CHRNB1: variants seen among roughly 807,000 people sequenced by gnomAD.
CHRNB1 encodes the protein acetylcholine receptor subunit beta.
CHRNB1 carries 47 observed loss-of-function variants against 53.8 expected under a neutral mutation model. That is an observed-to-expected ratio of 0.87 (90% confidence interval 0.69 to 1.11). The LOEUF is 1.11. Among genes scored for constraint, CHRNB1 ranks in the 50% most tolerant of loss-of-function variants. The pLI, the probability that CHRNB1 is intolerant of heterozygous loss-of-function variation, is 0.00. For synonymous variants in CHRNB1, 259 were observed against 263.5 expected, an observed-to-expected ratio of 0.98 and a Z score of 0.16; for missense variants, 605 against 654.9, an observed-to-expected ratio of 0.92 and a Z score of 0.83.
chr17:7,455,161 T>A (rs879642172), intron 8 of CHRNB1, 123 bp from the exon 9 acceptor site: 6 of 1,105,486 alleles, frequency 5.4e-6, no homozygotes, highest in Admixed American at 1.8e-5. Context: ...AGCTCGTTTG[T>A]GGAAGAATAT....
rs1167415636 is a variant in CHRNB1, at chr17:7,454,488, C to G, written c.1012C>G (p.His338Asp). 6.2e-7 allele frequency: 1 copy of G among 1,614,020 alleles called. No homozygotes were observed. Among genetic ancestry groups the G allele is most frequent in the Non-Finnish European group, 8.5e-7 (1 of 1,180,034 alleles). ...VVLNLHHRSP[H>D]THQMPLWVRQ... ...TCTCAACCTGCACCACCGCTCACCC[C>G]ACACCCACCAAATGCCCCTTTGGGT... is the stretch of plus-strand genomic sequence containing the variant. The change falls in exon 8 of 11, where the codon CAC becomes GAC. Residue 338 changes from histidine (H) to aspartate (D), a missense_variant. Physicochemically the swap from His to Asp is moderately conservative, Grantham distance 81 (BLOSUM62 -1). Transcript: ENST00000306071.
rs749893562 is a variant in CHRNB1, at chr17:7,448,655, A to G, written c.687A>G (p.Glu229=). ...QPPGDPRGGR[E]GQRQEVIFYL... ...CAGGCGATCCTAGGGGAGGGAGGGAAGGACAGCGCCAGGAAGTCATCTTCT... is the reference window on the plus strand; with the variant it reads ...CAGGCGATCCTAGGGGAGGGAGGGAGGGACAGCGCCAGGAAGTCATCTTCT... Residue 229 remains glutamate, a synonymous_variant, in exon 7 of 11, where the codon GAA becomes GAG. Transcript: ENST00000306071. 3.5e-5 allele frequency: 56 copies of G among 1,613,992 alleles called. No individual in the cohort carries two copies. Among genetic ancestry groups the G allele is most frequent in the Non-Finnish European group, 3.4e-6 (4 of 1,180,022 alleles).
intron 9 of CHRNB1, 144 bp downstream of exon 9, chr17:7,455,600 A>G (rs1263195218): frequency 3.8e-5 from 48 of 1,251,636 alleles, no homozygotes; most frequent in Non-Finnish European, 5.3e-5. Flanking sequence ...GCTCACTTTG[A>G]GGGGAGGTGG....
intron 7 of CHRNB1, among the ~76,000 whole-genome samples, chr17:7,451,274 C>CTTTTCTTT (rs1393475980): frequency 1.1e-5 from 1 of 92,018 alleles, no homozygotes; most frequent in African/African-American, 4.8e-5. Flanking sequence ...CTTTTCTTTT[C>CTTTTCTTT]TTTTTTTTTT....
chr17:7,451,704 C>T (rs974366798), intron 7 of CHRNB1, among the ~76,000 whole-genome samples: 1 of 152,160 alleles, frequency 6.6e-6, no homozygotes, highest in Non-Finnish European at 1.5e-5. Flanking sequence ...GCCTGGTGTG[C>T]CCTTATCTCC....
Position 7,447,563 on chromosome 17 carries a change from G to C in CHRNB1, c.523G>C (p.Asp175His), listed in dbSNP as rs745640319. The change falls in exon 6 of 11, where the codon GAC (aspartate) becomes CAC (histidine). Residue 175 changes from aspartate (D) to histidine (H), a missense_variant. Asp to His is a moderately conservative substitution (Grantham distance 81). Transcript: ENST00000306071. ...CTMVFSSYSY[D>H]SSEVSLQTGL... ...TATGGTGTTCAGCTCCTACAGCTAC[G>C]ACAGCTCGGAGGTCAGCCTGCAGAC... is the stretch of plus-strand genomic sequence containing the variant. 4 of 1,614,196 alleles carry C rather than the reference G, an allele frequency of 2.5e-6. No homozygotes were observed. Among genetic ancestry groups the C allele is most frequent in the Admixed American group, 1.7e-5 (1 of 60,022 alleles).
chr17:7,456,567 CTT>C lies in CHRNB1; in HGVS notation c.1366-14_1366-13del, dbSNP rs777730119. The C allele has an allele frequency of 1.2e-6, 2 of 1,614,096 alleles. No individual in the cohort carries two copies. The highest frequency in any genetic ancestry group is 1.7e-6 in the Non-Finnish European group (2 of 1,180,026). On this transcript the variant is annotated splice_polypyrimidine_tract_variant and intron_variant, in intron 10 of 10. Transcript: ENST00000306071. ...CTGGGCCCAGAGCTCAGGAAGTTTC[CTT>C]TGCCTACCCACAGCTGAAGGAGGAC...
intron 6 of CHRNB1, among the ~76,000 whole-genome samples, 154 bp from the exon 7 acceptor site, chr17:7,448,425 C>CT (rs1264157197): frequency 3.9e-5 from 6 of 152,034 alleles, no homozygotes; most frequent in African/African-American, 1.2e-4. Flanking sequence ...GAGACTTGCC[C>CT]AAGTTTATTA....
In CHRNB1 at chr17:7,455,274, T is replaced by A. The variant is rs753963175; in HGVS notation, c.1045-10T>A. On this transcript the variant is annotated splice_polypyrimidine_tract_variant and intron_variant, in intron 8 of 10. Coordinates refer to ENST00000306071, the MANE Select transcript of CHRNB1 (RefSeq NM_000747.3). ...AAAGCCCCCACCAATACGCCTCTTC[T>A]ACTCTGCAGATCTTCATTCACAAAC... The A allele has an allele frequency of 6.2e-7, 1 of 1,614,018 alleles. No individual in the cohort carries two copies. Among genetic ancestry groups the A allele is most frequent in the Non-Finnish European group, 8.5e-7 (1 of 1,179,934 alleles).
chr17:7,447,857 C>G (rs960414228), intron 6 of CHRNB1, among the ~76,000 whole-genome samples: 3 of 152,072 alleles, frequency 2.0e-5, no homozygotes, highest in Admixed American at 6.6e-5. Context: ...GCGGGCGGAT[C>G]ATTTGAGGTC....
At position 7,445,556 on chromosome 17, in the gene CHRNB1, A is replaced by T. The variant is rs1908572144; in HGVS notation, c.198+147A>T. On this transcript the variant is annotated intron_variant, in intron 2 of 10. Transcript: ENST00000306071. The surrounding 1 kb of genome is among the most constrained non-coding windows in gnomAD (Gnocchi z 5.7). ...CAGCCTTTGGTGAAGATTGGATCGA[A>T]ATCAGACCAATGGACAAGCTCTGGC... The T allele has an allele frequency of 2.7e-6, 4 of 1,504,232 alleles. No individual in the cohort carries two copies. The highest frequency in any genetic ancestry group is 3.5e-6 in the Non-Finnish European group (4 of 1,130,078). 93.2% of individuals were successfully genotyped at this position (1,504,232 alleles called of 1,614,324 possible). A position where few individuals can be genotyped will look rare whatever the true frequency, so the allele number is the denominator to read the frequency against.
Position 7,456,995 on chromosome 17 carries a change from G to C in CHRNB1, c.*272G>C. The C allele has an allele frequency of 2.0e-6, 1 of 490,376 alleles. No homozygotes were observed. 30.4% of individuals were successfully genotyped at this position (490,376 alleles called of 1,614,324 possible). A position where few individuals can be genotyped will look rare whatever the true frequency, so the allele number is the denominator to read the frequency against. On this transcript the variant is annotated 3_prime_UTR_variant, in exon 11 of 11. Transcript: ENST00000306071. ...GCCAGTGAAATAGAACACAGAACAG[G>C]AACTAGATTATAAGCCTTATGAGGT...
intron 9 of CHRNB1, 32 bp from the exon 10 acceptor site, chr17:7,455,762 C>T: frequency 6.2e-7 from 1 of 1,614,074 alleles, no homozygotes; most frequent in Non-Finnish European, 8.5e-7. Flanking sequence ...GCTGTCTTTG[C>T]GTTTGGGCGT....
intron 7 of CHRNB1, among the ~76,000 whole-genome samples, chr17:7,453,140 G>A (rs2150841757): frequency 6.6e-6 from 1 of 152,254 alleles, no homozygotes; most frequent in South Asian, 2.1e-4. Flanking sequence ...TTTTTGAGAT[G>A]GAGTTTTGCT....
intron 7 of CHRNB1, among the ~76,000 whole-genome samples, chr17:7,452,319 A>C (rs948501634): frequency 3.9e-5 from 6 of 152,064 alleles, no homozygotes; most frequent in African/African-American, 1.2e-4. Flanking sequence ...CAGCCTCCCA[A>C]AATGCTAGGA....
At chr17:7,446,614 C>G in intron 3 of CHRNB1, 1 of 590,638 alleles carries the variant, frequency 1.7e-6, no homozygotes, top group East Asian at 2.8e-5. Flanking sequence ...CTCATTTTTA[C>G]AGAGTAAAAT....
intron 7 of CHRNB1, among the ~76,000 whole-genome samples, chr17:7,450,110 G>A (rs1477787377): frequency 6.7e-6 from 1 of 150,232 alleles, no homozygotes; most frequent in Non-Finnish European, 1.5e-5. Context: ...TCTTTAGGAG[G>A]CAGCAAAATA....
At chr17:7,446,679 A>G in intron 3 of CHRNB1, 154 bp from the exon 4 acceptor site, 1 of 631,812 alleles carries the variant, frequency 1.6e-6, no homozygotes, top group Non-Finnish European at 2.8e-6. Context: ...CAGCGAGTGA[A>G]GGCGGAGCCA....
Position 7,456,001 on chromosome 17 carries a change from T to C in CHRNB1, c.1365+60T>C. The C allele has an allele frequency of 2.6e-6, 4 of 1,514,826 alleles. No homozygotes were observed. The South Asian group carries it at 3.4e-5, about 13-fold the overall frequency. 93.8% of individuals were successfully genotyped at this position (1,514,826 alleles called of 1,614,324 possible). ...AGGCGACCTTGGCCCCACCCCCAAA[T>C]TCCGCACCAGCACTCGCTTTCGTTT... On this transcript the variant is annotated intron_variant, in intron 10 of 10. Coordinates refer to ENST00000306071, the MANE Select transcript of CHRNB1 (RefSeq NM_000747.3).
Sources: gnomAD v4.1 joint callset for allele counts (sites outside exome capture counted in the v4.1 genomes callset) on GRCh38, gnomAD v4.1.1 for gene constraint, Gnocchi (gnomAD v3.1) non-coding constraint, MANE v1.5 for transcripts, NCBI Gene and HGNC (gene_info 2026-07-23, HGNC 2026-07-21) for gene names.